Variants in CUBN observed in about 807,000 individuals in gnomAD.
CUBN encodes cubilin.
A neutral mutation model predicts 405.3 loss-of-function variants in CUBN; 282 were observed. The observed-to-expected ratio is 0.70, with a 90% CI of 0.63 to 0.77. The LOEUF (loss-of-function observed/expected upper bound fraction) is 0.77. Ranked by LOEUF, CUBN falls within the 30% of genes least tolerant of loss-of-function variation. The pLI, the probability that CUBN is intolerant of heterozygous loss-of-function variation, is 0.00. For missense variants in CUBN, 4,514 were observed against 4,475.2 expected (o/e 1.01, Z -0.25); for synonymous variants, 1,684 against 1,617.0 (o/e 1.04, Z -0.99).
intron 26 of CUBN, among the ~76,000 whole-genome samples, chr10:17,042,970 T>G (rs1296542079): frequency 1.3e-5 from 2 of 152,192 alleles, no homozygotes; most frequent in Middle Eastern, 3.2e-3. Context: ...AGAATTATGT[T>G]TCCAAAACCT....
chr10:17,102,312 A>C (rs1281673530), intron 13 of CUBN, among the ~76,000 whole-genome samples: 1 of 149,594 alleles, frequency 6.7e-6, no homozygotes, highest in East Asian at 2.0e-4. Flanking sequence ...TTTGAGACAG[A>C]GTCTTGCTCT....
intron 17 of CUBN, among the ~76,000 whole-genome samples, chr10:17,083,746 A>C (rs187789070): frequency 2.0e-5 from 3 of 152,112 alleles, no homozygotes; most frequent in Non-Finnish European, 2.9e-5. Flanking sequence ...GATTATGCCC[A>C]AAAAAACAAT....
chr10:17,028,827 C>T (rs1306222806), intron 27 of CUBN, among the ~76,000 whole-genome samples: 1 of 152,196 alleles, frequency 6.6e-6, no homozygotes, highest in East Asian at 1.9e-4. Flanking sequence ...TGTAATGTTG[C>T]AATTGGAAAT....
At chr10:17,122,943 G>T in intron 5 of CUBN, 45 bp from the exon 6 acceptor site, 1 of 1,314,784 alleles carries the variant, frequency 7.6e-7, no homozygotes, top group Non-Finnish European at 1.1e-6. Context: ...AGGTCACAGA[G>T]GTATCTGGAG....
intron 27 of CUBN, among the ~76,000 whole-genome samples, chr10:17,025,394 C>G (rs1441676760): frequency 6.6e-6 from 1 of 152,170 alleles, no homozygotes; most frequent in Admixed American, 6.5e-5. Context: ...TAGCCCAGCT[C>G]TAAAATTTAG....
At position 16,925,734 on chromosome 10, in the gene CUBN, C is replaced by T. The variant is rs768950272; in HGVS notation, c.6312G>A (p.Thr2104=). Residue 2104 remains threonine, a synonymous_variant, in exon 42 of 67, where the codon ACG becomes ACA. Transcript: ENST00000377833. ...GGTAAGTCTCTGGATACTTGGGGGACGTGATGATCCCTCTGTCTGCATGCA... is the reference window on the plus strand; with the variant it reads ...GGTAAGTCTCTGGATACTTGGGGGATGTGATGATCCCTCTGTCTGCATGCA... ...GYLHADRGII[T]SPKYPETYPS... 32 of 1,613,788 alleles carry T rather than the reference C, an allele frequency of 2.0e-5. No homozygotes were observed. The highest frequency in any genetic ancestry group is 1.6e-4 in the South Asian group (15 of 91,086).
At chr10:16,859,309 G>C (rs1395540027) in intron 59 of CUBN, among the ~76,000 whole-genome samples, 1 of 151,944 alleles carries the variant, frequency 6.6e-6, no homozygotes, top group East Asian at 1.9e-4. Flanking sequence ...TAGAAAATGG[G>C]TAAAAGATAT....
At chr10:17,110,828 T>C (rs1836756456) in intron 9 of CUBN, 91 bp downstream of exon 9, 3 of 1,588,632 alleles carry the variant, frequency 1.9e-6, no homozygotes, top group Admixed American at 1.7e-5. Flanking sequence ...CAGCCAGAAA[T>C]CATATTTTAA....
At chr10:16,975,851 G>A (rs1353690112) in intron 31 of CUBN, among the ~76,000 whole-genome samples, 2 of 151,578 alleles carry the variant, frequency 1.3e-5, no homozygotes, top group Non-Finnish European at 1.5e-5. Flanking sequence ...GGATGGTCTC[G>A]ACCTCCTGAC....
At chr10:16,884,089 C>G (rs968647414) in intron 56 of CUBN, among the ~76,000 whole-genome samples, 1 of 152,224 alleles carries the variant, frequency 6.6e-6, no homozygotes, top group Non-Finnish European at 1.5e-5. Flanking sequence ...ACGCCATTCT[C>G]CTGCTTCAGC....
At chr10:17,073,418 T>A (rs1263133744) in intron 17 of CUBN, among the ~76,000 whole-genome samples, 1 of 150,940 alleles carries the variant, frequency 6.6e-6, no homozygotes, top group African/African-American at 2.4e-5. Flanking sequence ...TATAATAGAC[T>A]ACTGATTTTA....
rs752156116 is a variant in CUBN at position 16,937,710 on chromosome 10, G to A, written c.5808C>T (p.Ser1936=). ...YCGTQTESFS[S]TGNSLTFHFY... is the part of the protein sequence containing the mutation. ...AATGAAATGTCAAAGAATTTCCAGT[G>A]GAGCTGAAAGATTCAGTCTGGGTAC... is the stretch of plus-strand genomic sequence containing the variant. The change falls in exon 39 of 67, where the codon TCC becomes TCT. Residue 1936 remains serine (S), a synonymous_variant. Transcript: ENST00000377833. The A allele has an allele frequency of 1.9e-6, 3 of 1,614,072 alleles. No homozygotes were observed. In the Admixed American group the frequency reaches 5.0e-5, roughly 27 times the overall value.
chr10:17,108,745 G>A (rs925140595), intron 10 of CUBN, among the ~76,000 whole-genome samples: 6 of 152,018 alleles, frequency 3.9e-5, no homozygotes, highest in Non-Finnish European at 7.4e-5. Context: ...TTTTGACTAC[G>A]TAAAAATTCT....
At chr10:16,962,910 C>T (rs936951870) in intron 31 of CUBN, among the ~76,000 whole-genome samples, 4 of 151,994 alleles carry the variant, frequency 2.6e-5, no homozygotes, top group Non-Finnish European at 4.4e-5. Flanking sequence ...GGTAAGTCTG[C>T]GGGTGTGGAA....
In CUBN at chr10:17,048,702, T is replaced by C. The variant is rs1218849009; in HGVS notation, c.3140-1099A>G. On this transcript the variant is annotated intron_variant, in intron 22 of 66. Transcript: ENST00000377833. ...CCAGCCATAACCTAAATCTAGGGTA[T>C]AGGAGTAGACAGAGGTCTCCTACTG... Among the ~76,000 whole-genome samples, 3 of 152,198 alleles carry C rather than the reference T, an allele frequency of 2.0e-5. No individual in the cohort carries two copies. The East Asian group carries it at 5.8e-4, about 29-fold the overall frequency.
chr10:17,108,730 TA>T (rs1339244627), intron 10 of CUBN, among the ~76,000 whole-genome samples: 1 of 152,164 alleles, frequency 6.6e-6, no homozygotes, highest in Non-Finnish European at 1.5e-5. Context: ...AGAAAAGATT[TA>T]TCTTTTTGAC....
At chr10:16,991,098 C>G (rs1253015526) in intron 28 of CUBN, among the ~76,000 whole-genome samples, 1 of 152,152 alleles carries the variant, frequency 6.6e-6, no homozygotes, top group East Asian at 1.9e-4. Flanking sequence ...AAAAATCCAA[C>G]CAAGGAAAAA....
intron 31 of CUBN, among the ~76,000 whole-genome samples, chr10:16,976,344 C>G (rs746912911): frequency 3.9e-4 from 59 of 151,916 alleles, no homozygotes; most frequent in Admixed American, 2.9e-3. Flanking sequence ...TTTCTTTAAT[C>G]TGAATATATC....
At chr10:16,908,899 G>T in intron 48 of CUBN, among the ~76,000 whole-genome samples, 1 of 125,692 alleles carries the variant, frequency 8.0e-6, no homozygotes. Flanking sequence ...TTTTTGAGAC[G>T]GAGTCTCGCT....
Sources: gnomAD v4.1 joint callset for allele counts (sites outside exome capture counted in the v4.1 genomes callset) on GRCh38, gnomAD v4.1.1 for gene constraint, MANE v1.5 for transcripts, NCBI Gene and HGNC (gene_info 2026-07-23, HGNC 2026-07-21) for gene names.